Variants in ABCB5 observed in about 807,000 individuals in gnomAD.
ABCB5 encodes the protein ATP-binding cassette sub-family B member 5.
ABCB5 carries 155 observed loss-of-function variants against 144.2 expected under a neutral mutation model. The observed-to-expected ratio is 1.08, with a 90% CI of 0.94 to 1.23. ABCB5 has a LOEUF of 1.23. ABCB5 is among the 50% of genes most tolerant of loss of function. The pLI, the probability that ABCB5 is intolerant of heterozygous loss-of-function variation, is 0.00. For missense variants in ABCB5, 1,830 were observed against 1,520.8 expected, an observed-to-expected ratio of 1.20 and a Z score of -3.38; for synonymous variants, 610 against 528.6, an observed-to-expected ratio of 1.15 and a Z score of -2.11.
intron 14 of ABCB5, chr7:20,659,742 C>T (rs963477966): frequency 2.0e-6 from 2 of 985,700 alleles, no homozygotes; most frequent in African/African-American, 3.5e-5. Flanking sequence ...AAGCCTCGCT[C>T]TGTCACCCAT....
chr7:20,746,859 T>TA (rs566514627), intron 26 of ABCB5, among the ~76,000 whole-genome samples: 205 of 152,352 alleles, frequency 1.3e-3, no homozygotes, highest in African/African-American at 4.8e-3. Flanking sequence ...ATGTGATTTT[T>TA]ATAAACTAAG....
At chr7:20,653,119 T>C (rs1241222391) in intron 13 of ABCB5, among the ~76,000 whole-genome samples, 1 of 152,238 alleles carries the variant, frequency 6.6e-6, no homozygotes, top group Non-Finnish European at 1.5e-5. Context: ...AAAACATCAA[T>C]GCTCTCATTT....
Position 20,727,022 on chromosome 7 carries a change from A to G in ABCB5, c.2626-18A>G, listed in dbSNP as rs1260336584. On this transcript the variant is annotated intron_variant, in intron 21 of 27. Coordinates refer to ENST00000404938, the MANE Select transcript of ABCB5 (RefSeq NM_001163941.2). Reference sequence around the variant, plus strand: ...ATTACTAATTTTATTTCTATATTGTATTGTCCTGTTTTATAAGATAGCAAC... The same window carrying G: ...ATTACTAATTTTATTTCTATATTGTGTTGTCCTGTTTTATAAGATAGCAAC... 1 of 1,554,434 alleles carries G rather than the reference A, an allele frequency of 6.4e-7. No homozygotes were observed. Among genetic ancestry groups the G allele is most frequent in the African/African-American group, 1.4e-5 (1 of 73,194 alleles).
chr7:20,627,234 T>G (rs1783929456), intron 3 of ABCB5, among the ~76,000 whole-genome samples: 2 of 152,052 alleles, frequency 1.3e-5, no homozygotes, highest in South Asian at 4.1e-4. Flanking sequence ...GCCTGCTTTT[T>G]CAAAAGTCAA....
At position 20,686,272 on chromosome 7, in the gene ABCB5, C is replaced by A. The variant is rs141419516; in HGVS notation, c.2010+436C>A. On this transcript the variant is annotated intron_variant, in intron 16 of 27. Coordinates refer to ENST00000404938, the MANE Select transcript of ABCB5 (RefSeq NM_001163941.2). ...CAGTCCCAGGGCACAACCTGAGAAG[C>A]CTTGCTCACTTGGATGGGAGTATTT... 4.0e-4 allele frequency among the ~76,000 whole-genome samples: 61 copies of A among 152,262 alleles called. 1 individual carries two copies. The East Asian group carries it at 0.012, about 29-fold the overall frequency.
At chr7:20,661,832 G>A (rs1468683444) in intron 14 of ABCB5, among the ~76,000 whole-genome samples, 1 of 151,912 alleles carries the variant, frequency 6.6e-6, no homozygotes, top group Non-Finnish European at 1.5e-5. Flanking sequence ...CGCGCCCAGC[G>A]AGACCTGAAA....
At chr7:20,650,682 T>C (rs1239659725) in intron 12 of ABCB5, among the ~76,000 whole-genome samples, 1 of 152,154 alleles carries the variant, frequency 6.6e-6, no homozygotes, top group Non-Finnish European at 1.5e-5. Context: ...ATGCTTCTGT[T>C]CAAAGTTTCA....
chr7:20,675,063 A>G (rs1405527461), intron 14 of ABCB5, among the ~76,000 whole-genome samples: 1 of 152,024 alleles, frequency 6.6e-6, no homozygotes, highest in Non-Finnish European at 1.5e-5. Context: ...TTAAATGTCA[A>G]TACTACCCAA....
At chr7:20,668,377 C>A (rs574022613) in intron 14 of ABCB5, among the ~76,000 whole-genome samples, 1,815 of 130,122 alleles carry the variant, frequency 0.014, no homozygotes, top group African/African-American at 0.02. Flanking sequence ...CCCCGCCGCC[C>A]TGTCTGGGAT....
intron 21 of ABCB5, among the ~76,000 whole-genome samples, chr7:20,726,800 G>A (rs1782051570): frequency 6.6e-6 from 1 of 152,038 alleles, no homozygotes. Flanking sequence ...ACTTGAATGG[G>A]GTTAAACTTA....
Position 20,723,149 on chromosome 7 carries a change from G to A in ABCB5, c.2555G>A (p.Gly852Glu). ...ATTGCTCCAGTACTTGCCGTGACAGGAATGATTGAAACCGCAGCAATGACT... is the reference window on the plus strand; with the variant it reads ...ATTGCTCCAGTACTTGCCGTGACAGAAATGATTGAAACCGCAGCAATGACT... ...LSIAPVLAVTGMIETAAMTGF... is the reference protein window; with the variant it reads ...LSIAPVLAVTEMIETAAMTGF... The change falls in exon 21 of 28, where the codon GGA becomes GAA. Residue 852 changes from glycine (G) to glutamate (E), a missense_variant. Gly to Glu is a moderately conservative substitution (Grantham distance 98, BLOSUM62 -2). Transcript: ENST00000404938. 1.2e-6 allele frequency: 2 copies of A among 1,614,154 alleles called. No individual in the cohort carries two copies. Among genetic ancestry groups the A allele is most frequent in the East Asian group, 2.2e-5 (1 of 44,866 alleles).
intron 20 of ABCB5, among the ~76,000 whole-genome samples, chr7:20,705,873 T>C (rs1311502493): frequency 6.6e-6 from 1 of 152,070 alleles, no homozygotes; most frequent in African/African-American, 2.4e-5. Flanking sequence ...ATTTATATTA[T>C]CAGAAAATAG....
chr7:20,725,844 A>T (rs1245254875), intron 21 of ABCB5, among the ~76,000 whole-genome samples: 2 of 152,102 alleles, frequency 1.3e-5, no homozygotes, highest in African/African-American at 4.8e-5. Context: ...GGTTTCTTTA[A>T]GTCCATTTTT....
rs369107657 is a variant in ABCB5, at chr7:20,628,254, C to T, written c.109-434C>T. Among the ~76,000 whole-genome samples, 13 of 152,106 alleles carry T rather than the reference C, an allele frequency of 8.5e-5. No homozygotes were observed. In the East Asian group the frequency reaches 1.4e-3, roughly 16 times the overall value. On this transcript the variant is annotated intron_variant, in intron 3 of 27. Coordinates refer to ENST00000404938, the MANE Select transcript of ABCB5 (RefSeq NM_001163941.2). ...ACTCCCACCTATGAGTGAGAACATG[C>T]GGTGTTTGGTTTTCTGTCCTTGTAA...
At chr7:20,711,890 C>T (rs180934297) in intron 20 of ABCB5, among the ~76,000 whole-genome samples, 11,395 of 76,058 alleles carry the variant, frequency 0.15, 2,424 homozygotes, top group African/African-American at 0.42. Context: ...CCCTCCCTCC[C>T]TCCTTCCTTC....
At chr7:20,688,687 C>A (rs1402805636) in intron 16 of ABCB5, among the ~76,000 whole-genome samples, 2 of 152,160 alleles carry the variant, frequency 1.3e-5, no homozygotes, top group Admixed American at 1.3e-4. Context: ...TATTGCAGCA[C>A]TATTCACAAT....
At chr7:20,616,811 T>C (rs1783696665) in intron 1 of ABCB5, among the ~76,000 whole-genome samples, 1 of 152,258 alleles carries the variant, frequency 6.6e-6, no homozygotes, top group Non-Finnish European at 1.5e-5. Flanking sequence ...GCAGCCATCA[T>C]AGTCAACCTG....
chr7:20,744,589 C>A (rs1453342722), intron 25 of ABCB5, among the ~76,000 whole-genome samples: 1 of 150,358 alleles, frequency 6.7e-6, no homozygotes, highest in Non-Finnish European at 1.5e-5. Context: ...TATTGCATGC[C>A]TCTCTGCTAA....
intron 15 of ABCB5, among the ~76,000 whole-genome samples, chr7:20,683,335 G>A (rs952618997): frequency 1.3e-5 from 2 of 152,050 alleles, no homozygotes; most frequent in African/African-American, 4.8e-5. Context: ...ATAAAAGTGA[G>A]GTGTTATTTG....
Sources: allele counts gnomAD v4.1 joint callset (sites outside exome capture counted in the v4.1 genomes callset), GRCh38; gene constraint gnomAD v4.1.1; transcripts MANE v1.5; gene names NCBI Gene and HGNC (gene_info 2026-07-23, HGNC 2026-07-21).